LHX4: variants seen among roughly 807,000 people sequenced by gnomAD.
The protein encoded by LHX4 is LIM/homeobox protein Lhx4.
LHX4 carries 16 observed loss-of-function variants against 39.2 expected under a neutral mutation model. The ratio of observed to expected loss-of-function variants is 0.41; its 90% CI spans 0.28 to 0.62. The LOEUF is 0.62. Ranked by LOEUF, LHX4 falls within the 20% of genes least tolerant of loss-of-function variation. The pLI is 0.33. For synonymous variants in LHX4, 206 were observed against 198.1 expected, an observed-to-expected ratio of 1.04 and a Z score of -0.33; for missense variants, 439 against 511.9, an observed-to-expected ratio of 0.86 and a Z score of 1.37.
In LHX4 at chr1:180,234,169, T is replaced by TTTTA. The variant is rs1491469242; in HGVS notation, c.76+3565_76+3566insTTAT. On this transcript the variant is annotated intron_variant, in intron 1 of 5. Transcript: ENST00000263726. The surrounding 1 kb of genome is among the most constrained non-coding windows in gnomAD (Gnocchi z 4.8). ...AACAGACACACACAACACACACAAA[T>TTTTA]TATATATATATATATATATATATAT... is the stretch of plus-strand genomic sequence containing the variant. Among the ~76,000 whole-genome samples, 5 of 53,608 alleles carry TTTTA rather than the reference T, an allele frequency of 9.3e-5. No homozygotes were observed. Among genetic ancestry groups the TTTTA allele is most frequent in the Admixed American group, 5.0e-4 (2 of 4,010 alleles). The allele number at this position is 53,608 out of a possible 152,430, so 35.2% of individuals were successfully genotyped here.
Position 180,261,020 on chromosome 1 carries a change from G to A in LHX4, c.249-5372G>A, listed in dbSNP as rs1398191589. 2.6e-5 allele frequency among the ~76,000 whole-genome samples: 4 copies of A among 151,996 alleles called. No homozygotes were observed. The East Asian group carries it at 5.8e-4, about 22-fold the overall frequency. On this transcript the variant is annotated intron_variant, in intron 2 of 5. Coordinates refer to ENST00000263726, the MANE Select transcript of LHX4 (RefSeq NM_033343.4). Reference sequence around the variant, plus strand: ...GACAGTCTGGAGGCAGTGTGATGGCGACAGCAAGTGGGATGTAAAGTCTTG... The same window carrying A: ...GACAGTCTGGAGGCAGTGTGATGGCAACAGCAAGTGGGATGTAAAGTCTTG...
At chr1:180,248,944 T>C (rs1571265275) in intron 2 of LHX4, among the ~76,000 whole-genome samples, 1 of 152,288 alleles carries the variant, frequency 6.6e-6, no homozygotes, top group East Asian at 1.9e-4. Context: ...CTTGCAAGAG[T>C]TGCTTCTGGC....
chr1:180,274,040 T>C lies in LHX4; in HGVS notation c.779-145T>C, dbSNP rs548509010. The C allele has an allele frequency of 1.5e-4, 138 of 950,884 alleles. 3 individuals carry two copies. In the South Asian group the frequency reaches 1.7e-3, roughly 12 times the overall value. 58.9% of individuals were successfully genotyped at this position (950,884 alleles called of 1,614,324 possible). ...GGCCTCTGGATATCAGGCTGCCATATTGGTGTGTCTGACCCATGCTTGGCT... is the reference window on the plus strand; with the variant it reads ...GGCCTCTGGATATCAGGCTGCCATACTGGTGTGTCTGACCCATGCTTGGCT... On this transcript the variant is annotated intron_variant, in intron 5 of 5. Coordinates refer to ENST00000263726, the MANE Select transcript of LHX4 (RefSeq NM_033343.4).
chr1:180,244,454 T>C (rs1167549861), intron 1 of LHX4, among the ~76,000 whole-genome samples: 1 of 152,100 alleles, frequency 6.6e-6, no homozygotes, highest in Non-Finnish European at 1.5e-5. Flanking sequence ...GTGTTGTTCC[T>C]CAATGTGATG....
At chr1:180,230,236 G>A, upstream of LHX4, 1 of 464,732 alleles carries the variant, frequency 2.2e-6, no homozygotes, top group Non-Finnish European at 3.9e-6. This position sits in a 1 kb window ranked among gnomAD's most constrained non-coding sequence, Gnocchi z 5.8. Context: ...GGGAAGGAGC[G>A]GGCGGGGGAG....
chr1:180,233,656 G>T (rs986048800), intron 1 of LHX4, among the ~76,000 whole-genome samples: 4 of 152,182 alleles, frequency 2.6e-5, no homozygotes, highest in Non-Finnish European at 4.4e-5. Context: ...CCTCGGTTTT[G>T]ACCCATCTGC....
intron 2 of LHX4, among the ~76,000 whole-genome samples, chr1:180,262,680 T>TG (rs1486071280): frequency 1.6e-5 from 2 of 128,104 alleles, no homozygotes; most frequent in African/African-American, 3.1e-5. Flanking sequence ...ATACCAAACT[T>TG]GAAAAAAAAA....
At chr1:180,243,271 G>A (rs1009986658) in intron 1 of LHX4, among the ~76,000 whole-genome samples, 1 of 151,990 alleles carries the variant, frequency 6.6e-6, no homozygotes, top group Non-Finnish European at 1.5e-5. Context: ...TTACAGATGT[G>A]AGCCACTGTA....
chr1:180,259,628 A>G (rs1215755759), intron 2 of LHX4, among the ~76,000 whole-genome samples: 1 of 151,306 alleles, frequency 6.6e-6, no homozygotes, highest in Non-Finnish European at 1.5e-5. Context: ...CCGGCCCCCG[A>G]GGCACCATCA....
At position 180,234,333 on chromosome 1, in the gene LHX4, C is replaced by T. The variant is rs1436338925; in HGVS notation, c.76+3728C>T. Among the ~76,000 whole-genome samples, 1 of 151,876 alleles carries T rather than the reference C, an allele frequency of 6.6e-6. No homozygotes were observed. The highest frequency in any genetic ancestry group is 1.9e-4 in the East Asian group (1 of 5,154). On this transcript the variant is annotated intron_variant, in intron 1 of 5. Coordinates refer to ENST00000263726, the MANE Select transcript of LHX4 (RefSeq NM_033343.4). The surrounding 1 kb of genome is among the most constrained non-coding windows in gnomAD (Gnocchi z 4.8). ...ATTCTCAGGCAGGAGACAATTTTTACAGATGAGGTCAGCTGTCCCCGCCGG... is the reference window on the plus strand; with the variant it reads ...ATTCTCAGGCAGGAGACAATTTTTATAGATGAGGTCAGCTGTCCCCGCCGG...
At chr1:180,249,077 G>T (rs1361695433) in intron 2 of LHX4, among the ~76,000 whole-genome samples, 1 of 152,230 alleles carries the variant, frequency 6.6e-6, no homozygotes, top group Non-Finnish European at 1.5e-5. Context: ...TATTGGCGGT[G>T]TGCTCTTGGG....
In LHX4 at chr1:180,266,361, G is replaced by C; in HGVS notation, c.249-31G>C. 6.2e-7 allele frequency: 1 copy of C among 1,611,996 alleles called. No individual in the cohort carries two copies. The highest frequency in any genetic ancestry group is 8.5e-7 in the Non-Finnish European group (1 of 1,178,500). On this transcript the variant is annotated intron_variant, in intron 2 of 5. Transcript: ENST00000263726. The surrounding 1 kb of genome is among the most constrained non-coding windows in gnomAD (Gnocchi z 5.7). ...GGAAGCCAGATCCCTTGCTCCCTGTGTGCCCTAATCCTTTCCTGCTGCCCT... is the reference window on the plus strand; with the variant it reads ...GGAAGCCAGATCCCTTGCTCCCTGTCTGCCCTAATCCTTTCCTGCTGCCCT...
Position 180,266,954 on chromosome 1 carries a change from G to T in LHX4, c.451+360G>T, listed in dbSNP as rs1307881176. On this transcript the variant is annotated intron_variant, in intron 3 of 5. Transcript: ENST00000263726. The surrounding 1 kb of genome is among the most constrained non-coding windows in gnomAD (Gnocchi z 5.7). Reference sequence around the variant, plus strand: ...GTGGCTGGGAGCTTGGTCTGTATTGGACACGTGGGGCTGCCGCTTAGTTTT... The same window carrying T: ...GTGGCTGGGAGCTTGGTCTGTATTGTACACGTGGGGCTGCCGCTTAGTTTT... Among the ~76,000 whole-genome samples the T allele has an allele frequency of 3.3e-5, 5 of 152,176 alleles. No individual in the cohort carries two copies. Among genetic ancestry groups the T allele is most frequent in the Non-Finnish European group, 5.9e-5 (4 of 68,018 alleles).
rs1648932267 is a variant in LHX4 at position 180,274,879 on chromosome 1, C to T, written c.*300C>T. 1 of 298,992 alleles carries T rather than the reference C, an allele frequency of 3.3e-6. No homozygotes were observed. The highest frequency in any genetic ancestry group is 8.9e-5 in the South Asian group (1 of 11,266). The allele number at this position is 298,992 out of a possible 1,614,324, so 18.5% of individuals were successfully genotyped here. A position where few individuals can be genotyped will look rare whatever the true frequency, so the allele number is the denominator to read the frequency against. On this transcript the variant is annotated 3_prime_UTR_variant, in exon 6 of 6. Coordinates refer to ENST00000263726, the MANE Select transcript of LHX4 (RefSeq NM_033343.4). ...TGTTCTGCTTAGGGGCTTGGCTGCTCAGTGCTTTGGTAGCACAAGGTGACT... is the reference window on the plus strand; with the variant it reads ...TGTTCTGCTTAGGGGCTTGGCTGCTTAGTGCTTTGGTAGCACAAGGTGACT...
chr1:180,272,632 G>C (rs1648739145), intron 5 of LHX4: 1 of 152,418 alleles, frequency 6.6e-6, no homozygotes. Context: ...TGAATCCTCA[G>C]GTTGTTTGCA....
intron 3 of LHX4, among the ~76,000 whole-genome samples, chr1:180,267,161 C>T (rs1648352264): frequency 6.6e-6 from 1 of 152,176 alleles, no homozygotes; most frequent in Non-Finnish European, 1.5e-5. Context: ...CCAGTGAGTG[C>T]TAAAAGAAGA....
chr1:180,268,231 C>T (rs1257688392), intron 3 of LHX4, among the ~76,000 whole-genome samples: 1 of 152,176 alleles, frequency 6.6e-6, no homozygotes, highest in Non-Finnish European at 1.5e-5. Context: ...AGTCTAGTGC[C>T]GTTCATCAGA....
rs1382777209 is a variant in LHX4 at position 180,248,289 on chromosome 1, T to C, written c.81T>C (p.Ile27=). 1.2e-6 allele frequency: 2 copies of C among 1,613,942 alleles called. No individual in the cohort carries two copies. Among genetic ancestry groups the C allele is most frequent in the Admixed American group, 1.7e-5 (1 of 59,982 alleles). ...TCTCTCTCCTCTTCCTCACAGAGAT[T>C]CCCCAGTGCGCTGGCTGCAACCAGC... is the stretch of plus-strand genomic sequence containing the variant. ...PEMLGVPMQQ[I]PQCAGCNQHI... The change falls in exon 2 of 6, where the codon ATT becomes ATC. Residue 27 remains isoleucine, a synonymous_variant. Transcript: ENST00000263726.
chr1:180,264,329 T>A (rs544709016), intron 2 of LHX4, among the ~76,000 whole-genome samples: 1 of 151,898 alleles, frequency 6.6e-6, no homozygotes, highest in South Asian at 2.1e-4. Context: ...GAAAACACTC[T>A]CTAGTAACAC....
Sources: allele counts gnomAD v4.1 joint callset (sites outside exome capture counted in the v4.1 genomes callset), GRCh38; gene constraint gnomAD v4.1.1; non-coding constraint Gnocchi (gnomAD v3.1); transcripts MANE v1.5; gene names NCBI Gene and HGNC (gene_info 2026-07-23, HGNC 2026-07-21).